The following MARCHF1 variants were observed in gnomAD, a reference collection of about 807,000 sequenced individuals.
The protein encoded by MARCHF1 is membrane associated ring-CH-type finger 1.
Under a neutral mutation model 54.2 loss-of-function variants are expected in MARCHF1, and 40 were observed. That is an observed-to-expected ratio of 0.74 (90% CI 0.57 to 0.96). The LOEUF (loss-of-function observed/expected upper bound fraction) is 0.96, where lower values mean the gene tolerates loss of function less well. Among genes scored for constraint, MARCHF1 ranks in the 40% least tolerant of loss-of-function variants. The pLI is 0.00. For missense variants in MARCHF1, 586 were observed against 656.5 expected (o/e 0.89, Z 1.17); for synonymous variants, 236 against 236.3 (o/e 1.00, Z 0.01).
At chr4:163,928,599 T>G (rs1488855575) in intron 3 of MARCHF1, among the ~76,000 whole-genome samples, 1 of 151,992 alleles carries the variant, frequency 6.6e-6, no homozygotes, top group Non-Finnish European at 1.5e-5. Flanking sequence ...GCTATATTCT[T>G]TTTTGATTGA....
chr4:163,914,036 T>A (rs1440396204), intron 3 of MARCHF1, among the ~76,000 whole-genome samples: 2 of 152,112 alleles, frequency 1.3e-5, no homozygotes, highest in African/African-American at 4.8e-5. Context: ...TAAGTGATCT[T>A]TTCTGACAGT....
intron 4 of MARCHF1, among the ~76,000 whole-genome samples, chr4:163,711,267 T>A (rs1192258495): frequency 6.6e-6 from 1 of 152,218 alleles, no homozygotes; most frequent in Non-Finnish European, 1.5e-5. Context: ...TGACTGTTCC[T>A]TCCTATAAGT....
intron 2 of MARCHF1, among the ~76,000 whole-genome samples, chr4:164,105,985 C>T (rs1755687491): frequency 6.7e-6 from 1 of 148,824 alleles, no homozygotes; most frequent in Non-Finnish European, 1.5e-5. Flanking sequence ...CAAAAGAAGA[C>T]ATTTATGCAG....
At chr4:163,947,918 T>C (rs997281970) in intron 3 of MARCHF1, among the ~76,000 whole-genome samples, 3 of 152,238 alleles carry the variant, frequency 2.0e-5, no homozygotes, top group African/African-American at 4.8e-5. Flanking sequence ...GAAAAATAAC[T>C]ATATGATGTA....
chr4:163,820,607 T>C (rs763550107), intron 4 of MARCHF1, among the ~76,000 whole-genome samples: 2 of 152,050 alleles, frequency 1.3e-5, no homozygotes, highest in Non-Finnish European at 2.9e-5. Flanking sequence ...CTTTCTCACA[T>C]TCTATCCAAA....
chr4:163,858,542 G>A (rs181133501), intron 3 of MARCHF1, among the ~76,000 whole-genome samples: 4 of 152,140 alleles, frequency 2.6e-5, no homozygotes, highest in East Asian at 1.9e-4. Context: ...GCTGCTAAAC[G>A]GAAAATTTTA....
chr4:163,542,311 A>G (rs62336361), intron 9 of MARCHF1, among the ~76,000 whole-genome samples: 3 of 152,230 alleles, frequency 2.0e-5, no homozygotes, highest in Non-Finnish European at 4.4e-5. Flanking sequence ...TGTTGACCGG[A>G]CTACTTGCCT....
Position 164,223,703 on chromosome 4 carries a change from G to C in MARCHF1, c.-322-112041C>G, listed in dbSNP as rs545797687. 1.7e-4 allele frequency among the ~76,000 whole-genome samples: 26 copies of C among 151,788 alleles called. No homozygotes were observed. In the East Asian group the frequency reaches 4.8e-3, roughly 28 times the overall value. ...CATCAAACTGAATTCAAATTCCTTAGTAATCAAATCCTTACTGTCTTTGCT... is the reference window on the plus strand; with the variant it reads ...CATCAAACTGAATTCAAATTCCTTACTAATCAAATCCTTACTGTCTTTGCT... On this transcript the variant is annotated intron_variant, in intron 1 of 9. Coordinates refer to ENST00000514618, the MANE Select transcript of MARCHF1 (RefSeq NM_001394959.1).
chr4:164,341,892 C>T (rs970094723), intron 1 of MARCHF1, among the ~76,000 whole-genome samples: 2 of 152,060 alleles, frequency 1.3e-5, no homozygotes, highest in Non-Finnish European at 2.9e-5. Flanking sequence ...AGTTGAAGTC[C>T]ACAAAATCAA....
intron 4 of MARCHF1, among the ~76,000 whole-genome samples, chr4:163,749,479 G>T (rs1434919808): frequency 6.6e-6 from 1 of 151,904 alleles, no homozygotes; most frequent in African/African-American, 2.4e-5. Context: ...ATTAATAGAA[G>T]TGATGAGGGT....
At chr4:163,715,908 T>G (rs1014565270) in intron 4 of MARCHF1, among the ~76,000 whole-genome samples, 3 of 152,162 alleles carry the variant, frequency 2.0e-5, no homozygotes, top group African/African-American at 7.2e-5. Context: ...AGATATCCAG[T>G]TATAATAATA....
At chr4:164,171,569 A>G (rs899876140) in intron 1 of MARCHF1, among the ~76,000 whole-genome samples, 6 of 147,310 alleles carry the variant, frequency 4.1e-5, no homozygotes, top group Non-Finnish European at 6.1e-5. Context: ...TTGCACCATT[A>G]AAAGAAAAAA....
chr4:164,014,395 T>A (rs950297975), intron 2 of MARCHF1, among the ~76,000 whole-genome samples: 1 of 152,014 alleles, frequency 6.6e-6, no homozygotes, highest in Admixed American at 6.6e-5. Context: ...CAAAAACTTA[T>A]AATAGATACA....
intron 1 of MARCHF1, among the ~76,000 whole-genome samples, chr4:164,242,645 T>A (rs1380791446): frequency 2.0e-5 from 3 of 151,492 alleles, no homozygotes; most frequent in Admixed American, 1.3e-4. Context: ...TTTGATGAGC[T>A]GTGAGAAGAA....
At chr4:164,293,851 T>C (rs1734346319) in intron 1 of MARCHF1, among the ~76,000 whole-genome samples, 1 of 152,190 alleles carries the variant, frequency 6.6e-6, no homozygotes, top group African/African-American at 2.4e-5. Context: ...AGTGTCAACT[T>C]GATTGGATTG....
intron 2 of MARCHF1, among the ~76,000 whole-genome samples, chr4:164,071,390 A>G (rs1357766985): frequency 2.0e-5 from 3 of 152,106 alleles, no homozygotes; most frequent in Admixed American, 6.5e-5. Flanking sequence ...CACCAAAATT[A>G]AGTGGAAATT....
intron 1 of MARCHF1, among the ~76,000 whole-genome samples, chr4:164,229,486 C>A (rs560133913): frequency 6.6e-6 from 1 of 152,122 alleles, no homozygotes; most frequent in Non-Finnish European, 1.5e-5. Flanking sequence ...AAAAGGAACT[C>A]CCAGACAGAG....
intron 1 of MARCHF1, among the ~76,000 whole-genome samples, chr4:164,363,574 T>C (rs945817329): frequency 2.0e-5 from 3 of 152,090 alleles, no homozygotes; most frequent in African/African-American, 7.2e-5. Flanking sequence ...CCAACAAAGT[T>C]CATCCAGGTA....
In MARCHF1 at chr4:164,103,992, C is replaced by T. The variant is rs867505436; in HGVS notation, c.-248+7596G>A. Among the ~76,000 whole-genome samples, 495 of 150,944 alleles carry T rather than the reference C, an allele frequency of 3.3e-3. 9 individuals are homozygous for T. Among genetic ancestry groups the T allele is most frequent in the African/African-American group, 9.8e-3 (397 of 40,552 alleles). On this transcript the variant is annotated intron_variant, in intron 2 of 9. Transcript: ENST00000514618. Reference sequence around the variant, plus strand: ...TCAGGGAATACTACAAACACCTCTACGCAAATAAACTAGAAAATCTAGAAG... The same window carrying T: ...TCAGGGAATACTACAAACACCTCTATGCAAATAAACTAGAAAATCTAGAAG...
Sources: gnomAD v4.1 joint callset for allele counts (sites outside exome capture counted in the v4.1 genomes callset) on GRCh38, gnomAD v4.1.1 for gene constraint, MANE v1.5 for transcripts, NCBI Gene and HGNC (gene_info 2026-07-23, HGNC 2026-07-21) for gene names.